The following AOAH variants were observed in gnomAD, a reference collection of about 807,000 sequenced individuals.
AOAH encodes the protein acyloxyacyl hydrolase (neutrophil).
In AOAH, 64 loss-of-function variants were observed where a neutral mutation model predicts 92.2. That is an observed-to-expected ratio of 0.69 (90% CI 0.57 to 0.86). The LOEUF (loss-of-function observed/expected upper bound fraction) is 0.86. Ranked by LOEUF, AOAH falls within the 40% of genes least tolerant of loss-of-function variation. The pLI, the probability that AOAH is intolerant of heterozygous loss-of-function variation, is 0.00. For missense variants in AOAH, 656 were observed against 694.6 expected, an observed-to-expected ratio of 0.94 and a Z score of 0.62; for synonymous variants, 263 against 254.5, an observed-to-expected ratio of 1.03 and a Z score of -0.32.
rs763470621 is a variant in AOAH at position 36,724,100 on chromosome 7, G to A, written c.49C>T (p.Leu17=). The change falls in exon 1 of 21, where the codon CTG becomes TTG. Residue 17 remains leucine (L), a synonymous_variant. Transcript: ENST00000617537. The part of the protein sequence containing the change: ...ILTVAPLFLL[L]SLQSSASPAN... ...GGAGAGGCCGAGGACTGAAGAGACA[G>A]GAGCAAGAATAGAGGCGCCACCGTA... 2.4e-5 allele frequency: 38 copies of A among 1,613,706 alleles called. 2 individuals carry two copies. In the South Asian group the frequency reaches 2.5e-4, roughly 11 times the overall value.
intron 12 of AOAH, among the ~76,000 whole-genome samples, chr7:36,579,823 T>C (rs1788808013): frequency 6.6e-6 from 1 of 152,114 alleles, no homozygotes; most frequent in Non-Finnish European, 1.5e-5. Flanking sequence ...CAAATGTTAA[T>C]CTCCTTTGGC....
At chr7:36,568,534 C>T (rs1490779140) in intron 13 of AOAH, among the ~76,000 whole-genome samples, 1 of 152,198 alleles carries the variant, frequency 6.6e-6, no homozygotes, top group African/African-American at 2.4e-5. Flanking sequence ...GGTTCATTCT[C>T]AGAGCAGTGC....
intron 11 of AOAH, among the ~76,000 whole-genome samples, chr7:36,600,822 G>A (rs1447025731): frequency 6.6e-6 from 1 of 152,210 alleles, no homozygotes; most frequent in East Asian, 1.9e-4. Flanking sequence ...CCCAGATACT[G>A]CTTTGGGTGA....
intron 4 of AOAH, among the ~76,000 whole-genome samples, chr7:36,648,931 T>C (rs1794406106): frequency 6.6e-6 from 1 of 152,212 alleles, no homozygotes; most frequent in Non-Finnish European, 1.5e-5. Flanking sequence ...TTTAAAAACA[T>C]TGTCAATTAT....
chr7:36,637,416 C>G (rs1370711449), intron 5 of AOAH, among the ~76,000 whole-genome samples: 1 of 152,114 alleles, frequency 6.6e-6, no homozygotes, highest in Non-Finnish European at 1.5e-5. Context: ...AGGATACAGC[C>G]TCCTCCAAGA....
intron 4 of AOAH, among the ~76,000 whole-genome samples, chr7:36,641,935 C>T (rs369735235): frequency 1.3e-5 from 2 of 152,088 alleles, no homozygotes; most frequent in African/African-American, 4.8e-5. Flanking sequence ...CACGGTGGCT[C>T]ACTAAAACAC....
chr7:36,617,045 C>A lies in AOAH; in HGVS notation c.752-571G>T, dbSNP rs75560895. Among the ~76,000 whole-genome samples, 416 of 152,346 alleles carry A rather than the reference C, an allele frequency of 2.7e-3. 5 individuals are homozygous for A. Among genetic ancestry groups the A allele is most frequent in the East Asian group, 7.3e-3 (38 of 5,184 alleles). ...CATCTGACTCTGAGGCCCATCCACA[C>A]GAATCAGTCACCTGTGAACTCATTC... On this transcript the variant is annotated intron_variant, in intron 10 of 20. Coordinates refer to ENST00000617537, the MANE Select transcript of AOAH (RefSeq NM_001637.4).
At chr7:36,627,637 A>G (rs1354978042) in intron 6 of AOAH, among the ~76,000 whole-genome samples, 1 of 152,000 alleles carries the variant, frequency 6.6e-6, no homozygotes. Flanking sequence ...GGGCAGCAGG[A>G]GTCAGGTGTC....
intron 20 of AOAH, among the ~76,000 whole-genome samples, chr7:36,514,028 G>A (rs1295859398): frequency 6.6e-6 from 1 of 152,136 alleles, no homozygotes; most frequent in Non-Finnish European, 1.5e-5. Context: ...CTAAGGCTTG[G>A]GTTTTAGAGA....
In AOAH at chr7:36,535,727, G is replaced by A. The variant is rs186972752; in HGVS notation, c.1307-3383C>T. On this transcript the variant is annotated intron_variant, in intron 16 of 20. Coordinates refer to ENST00000617537, the MANE Select transcript of AOAH (RefSeq NM_001637.4). ...GGGTCCATGTGCTGAGTTCGCTAGC[G>A]GAGTTTTTTCCCTCTCATTTGAGGA... Among the ~76,000 whole-genome samples, 9 of 140,512 alleles carry A rather than the reference G, an allele frequency of 6.4e-5. No homozygotes were observed. The East Asian group carries it at 1.7e-3, about 27-fold the overall frequency. 92.2% of individuals were successfully genotyped at this position (140,512 alleles called of 152,430 possible). A position where few individuals can be genotyped will look rare whatever the true frequency, so the allele number is the denominator to read the frequency against.
At chr7:36,719,322 C>T (rs949370327) in intron 1 of AOAH, among the ~76,000 whole-genome samples, 2 of 152,154 alleles carry the variant, frequency 1.3e-5, no homozygotes, top group African/African-American at 4.8e-5. Context: ...CCAATTAGTC[C>T]ACATTCAAGT....
At chr7:36,702,293 G>A (rs557289142) in intron 1 of AOAH, among the ~76,000 whole-genome samples, 37 of 152,228 alleles carry the variant, frequency 2.4e-4, no homozygotes, top group African/African-American at 8.2e-4. Flanking sequence ...TTACCATGTG[G>A]TGTTATTTTC....
Position 36,605,696 on chromosome 7 carries a change from C to T in AOAH, c.846+10684G>A, listed in dbSNP as rs115987747. On this transcript the variant is annotated intron_variant, in intron 11 of 20. Transcript: ENST00000617537. ...CAGCAGGGCCAAGATGATGGATGTT[C>T]CCATGAGCCTGGGAGTGCACCCTAC... Among the ~76,000 whole-genome samples the T allele has an allele frequency of 4.2e-3, 646 of 152,324 alleles. 3 individuals are homozygous for T. Among genetic ancestry groups the T allele is most frequent in the African/African-American group, 0.014 (581 of 41,574 alleles).
chr7:36,540,275 T>C (rs1038784119), intron 16 of AOAH, 44 bp downstream of exon 16: 3 of 1,519,268 alleles, frequency 2.0e-6, no homozygotes, highest in Non-Finnish European at 2.7e-6. Flanking sequence ...GAACTGTATA[T>C]ACATTGATGT....
At chr7:36,579,250 A>G (rs1165606323) in intron 12 of AOAH, among the ~76,000 whole-genome samples, 1 of 151,998 alleles carries the variant, frequency 6.6e-6, no homozygotes, top group Non-Finnish European at 1.5e-5. Flanking sequence ...GAGTGAAGCC[A>G]TCTTGGATTC....
intron 1 of AOAH, among the ~76,000 whole-genome samples, chr7:36,713,620 C>A (rs903132158): frequency 3.9e-5 from 6 of 152,186 alleles, no homozygotes; most frequent in Admixed American, 6.5e-5. Flanking sequence ...GAAATTATAA[C>A]AAACTGTCTC....
At chr7:36,711,425 G>A (rs746191998) in intron 1 of AOAH, among the ~76,000 whole-genome samples, 14 of 151,870 alleles carry the variant, frequency 9.2e-5, no homozygotes, top group South Asian at 4.2e-4. Context: ...GGATTCTTTC[G>A]GTATTGCTCA....
chr7:36,535,176 G>T (rs926540067), intron 16 of AOAH, among the ~76,000 whole-genome samples: 3 of 152,068 alleles, frequency 2.0e-5, no homozygotes, highest in Non-Finnish European at 4.4e-5. Flanking sequence ...GTGTTTGTGT[G>T]TGTCTGTGTG....
At position 36,724,031 on chromosome 7, in the gene AOAH, T is replaced by C; in HGVS notation, c.118A>G (p.Thr40Ala). 2 of 1,613,532 alleles carry C rather than the reference T, an allele frequency of 1.2e-6. No individual in the cohort carries two copies. Among genetic ancestry groups the C allele is most frequent in the Middle Eastern group, 1.7e-4 (1 of 6,054 alleles). The change falls in exon 1 of 21, where the codon ACC becomes GCC. Residue 40 changes from threonine to alanine, a missense_variant. By Grantham distance (58) the Thr-to-Ala change is moderately conservative. Transcript: ENST00000617537. ...QSRPSLSNGH[T>A]CVGCVLVVSV... is the part of the protein sequence containing the mutation. ...ATATTTATTTGCATACCTACACAGG[T>C]GTGCCCATTCGAGAGGCTGGGCCTG...
Sources: gnomAD v4.1 joint callset for allele counts (sites outside exome capture counted in the v4.1 genomes callset) on GRCh38, gnomAD v4.1.1 for gene constraint, MANE v1.5 for transcripts, NCBI Gene and HGNC (gene_info 2026-07-23, HGNC 2026-07-21) for gene names.